PCED1B: variants seen among roughly 807,000 people sequenced by gnomAD.
The protein encoded by PCED1B is PC-esterase domain containing 1B.
For synonymous variants in PCED1B, 251 were observed against 246.1 expected, an observed-to-expected ratio of 1.02 and a Z score of -0.19; for missense variants, 573 against 573.9, an observed-to-expected ratio of 1.00 and a Z score of 0.02.
intron 2 of PCED1B, among the ~76,000 whole-genome samples, chr12:47,200,207 A>AT (rs397760027): frequency 1.3e-5 from 2 of 151,886 alleles, no homozygotes; most frequent in African/African-American, 4.8e-5. Flanking sequence ...AAAAAAAAAA[A>AT]TTCTATCCAA....
chr12:47,129,955 A>G (rs1426941088), intron 2 of PCED1B, among the ~76,000 whole-genome samples: 1 of 152,226 alleles, frequency 6.6e-6, no homozygotes, highest in Non-Finnish European at 1.5e-5. Flanking sequence ...GCTTGGCAAA[A>G]TGTCTTGAGT....
chr12:47,121,338 G>A (rs1319827413), intron 2 of PCED1B, among the ~76,000 whole-genome samples: 2 of 152,188 alleles, frequency 1.3e-5, no homozygotes, highest in East Asian at 3.9e-4. Flanking sequence ...TCGTTAGTGG[G>A]TACTCATTGC....
chr12:47,232,004 G>T (rs930691271), intron 3 of PCED1B, among the ~76,000 whole-genome samples: 2 of 152,182 alleles, frequency 1.3e-5, no homozygotes, highest in Admixed American at 6.5e-5. Flanking sequence ...CTTTCTACAT[G>T]ATAGTACAAT....
intron 2 of PCED1B, chr12:47,208,870 TGA>T (rs1474945498): frequency 6.6e-6 from 1 of 152,374 alleles, no homozygotes; most frequent in Non-Finnish European, 1.5e-5. Flanking sequence ...CCCAACATTC[TGA>T]GAGGCTGAGG....
intron 2 of PCED1B, among the ~76,000 whole-genome samples, chr12:47,215,442 C>T (rs994437958): frequency 4.0e-5 from 6 of 151,842 alleles, no homozygotes; most frequent in African/African-American, 1.5e-4. Flanking sequence ...TCAGTAGAGA[C>T]GGAGTTGCAC....
rs111587527 is a variant in PCED1B, at chr12:47,225,633, A to G, written c.-58+8944A>G. On this transcript the variant is annotated intron_variant, in intron 3 of 3. Coordinates refer to ENST00000546455, the MANE Select transcript of PCED1B (RefSeq NM_138371.3). ...ACCATCCATTCCACTAAAATTTAAG[A>G]GAATCTTGGAAAGTTCAAACTATTG... is the stretch of plus-strand genomic sequence containing the variant. 4.4e-3 allele frequency among the ~76,000 whole-genome samples: 674 copies of G among 152,358 alleles called. 3 individuals carry two copies. The highest frequency in any genetic ancestry group is 0.023 in the South Asian group (113 of 4,830).
chr12:47,229,930 C>G (rs371435338), intron 3 of PCED1B, among the ~76,000 whole-genome samples: 1 of 151,432 alleles, frequency 6.6e-6, no homozygotes, highest in Non-Finnish European at 1.5e-5. Flanking sequence ...CCACCACACC[C>G]GGCTAATATT....
At chr12:47,141,298 G>T (rs1940582884) in intron 2 of PCED1B, among the ~76,000 whole-genome samples, 1 of 152,154 alleles carries the variant, frequency 6.6e-6, no homozygotes, top group Non-Finnish European at 1.5e-5. Flanking sequence ...ACCCCAGGTT[G>T]CAAAACCCAA....
At chr12:47,129,498 T>A (rs1940030611) in intron 2 of PCED1B, among the ~76,000 whole-genome samples, 1 of 151,722 alleles carries the variant, frequency 6.6e-6, no homozygotes, top group Non-Finnish European at 1.5e-5. Flanking sequence ...CAAAATAAAA[T>A]AAAATAATAA....
intron 2 of PCED1B, among the ~76,000 whole-genome samples, chr12:47,182,522 T>A (rs896232907): frequency 6.7e-6 from 1 of 148,946 alleles, no homozygotes; most frequent in Non-Finnish European, 1.5e-5. Context: ...ATCTGGGAGG[T>A]GGAGATTGCA....
chr12:47,138,507 C>T (rs1940472779), intron 2 of PCED1B: 1 of 152,196 alleles, frequency 6.6e-6, no homozygotes, highest in African/African-American at 2.4e-5. Context: ...TTTCAGTAGC[C>T]TGGCTCACAT....
chr12:47,235,243 GC>G lies in PCED1B; in HGVS notation c.181del (p.Leu61TrpfsTer46), dbSNP rs1304402781. 6.2e-7 allele frequency: 1 copy of G among 1,613,028 alleles called. No individual in the cohort carries two copies. Among genetic ancestry groups the G allele is most frequent in the Non-Finnish European group, 8.5e-7 (1 of 1,179,434 alleles). On this transcript the variant is annotated frameshift_variant, in exon 4 of 4. Coordinates refer to ENST00000546455, the MANE Select transcript of PCED1B (RefSeq NM_138371.3). LOFTEE classifies it low-confidence loss of function (END_TRUNC). ...GGGAGCTGAACTTCGAACAAGATGA[GC>G]TGGTGGACGGAGGCCAGCGGGGCCA... ...RGELNFEQDELVDGGQRGHMH... is the reference protein window; with the variant it reads ...RGELNFEQDEXVDGGQRGHMH...
chr12:47,234,332 T>C (rs1306877513), intron 3 of PCED1B, among the ~76,000 whole-genome samples: 2 of 152,218 alleles, frequency 1.3e-5, no homozygotes, highest in East Asian at 3.8e-4. Context: ...TTTCTTTGTG[T>C]TACCTGTTGC....
At chr12:47,103,162 T>G (rs941340448) in intron 1 of PCED1B, among the ~76,000 whole-genome samples, 2 of 152,230 alleles carry the variant, frequency 1.3e-5, no homozygotes, top group African/African-American at 4.8e-5. Flanking sequence ...GGAATTGGAC[T>G]GTCTGAATCT....
At chr12:47,159,687 G>T (rs549567472) in intron 2 of PCED1B, among the ~76,000 whole-genome samples, 65 of 152,058 alleles carry the variant, frequency 4.3e-4, no homozygotes, top group Admixed American at 1.2e-3. Flanking sequence ...TCTGTGGATT[G>T]TCTCTTCACT....
chr12:47,235,313 T>C lies in PCED1B; in HGVS notation c.250T>C (p.Ser84Pro). The C allele has an allele frequency of 1.2e-6, 2 of 1,614,056 alleles. No homozygotes were observed. The highest frequency in any genetic ancestry group is 8.5e-7 in the Non-Finnish European group (1 of 1,180,040). Residue 84 changes from serine to proline, a missense_variant, in exon 4 of 4, where the codon TCC becomes CCC. By Grantham distance (74) the Ser-to-Pro change is moderately conservative. Transcript: ENST00000546455. ...LNYREVREFR[S>P]DHHLVRFYFL... ...CTACCGTGAGGTCCGCGAGTTCCGC[T>C]CCGACCACCATCTGGTACGTTTTTA...
At chr12:47,181,413 A>G (rs1942092969) in intron 2 of PCED1B, among the ~76,000 whole-genome samples, 1 of 151,086 alleles carries the variant, frequency 6.6e-6, no homozygotes, top group East Asian at 1.9e-4. Flanking sequence ...CTTGTTGCCC[A>G]GGCTGGAGTG....
At chr12:47,203,506 C>T (rs959246501) in intron 2 of PCED1B, among the ~76,000 whole-genome samples, 3 of 152,248 alleles carry the variant, frequency 2.0e-5, no homozygotes. Flanking sequence ...TGTTCCCTAC[C>T]CTTGGTGTCC....
At chr12:47,194,599 C>T (rs1942545112) in intron 2 of PCED1B, among the ~76,000 whole-genome samples, 1 of 152,182 alleles carries the variant, frequency 6.6e-6, no homozygotes, top group African/African-American at 2.4e-5. Flanking sequence ...TGGCAAACTA[C>T]TTAGACTTTC....
Sources: gnomAD v4.1 joint callset for allele counts (sites outside exome capture counted in the v4.1 genomes callset) on GRCh38, gnomAD v4.1.1 for gene constraint, MANE v1.5 for transcripts, NCBI Gene and HGNC (gene_info 2026-07-23, HGNC 2026-07-21) for gene names.